The following NOVA2 variants were observed in gnomAD, a reference collection of about 807,000 sequenced individuals.
NOVA2 encodes the protein RNA-binding protein Nova-2.
Under a neutral mutation model 22.5 loss-of-function variants are expected in NOVA2, and 9 were observed. That is an observed-to-expected ratio of 0.40 (90% confidence interval 0.24 to 0.70). The LOEUF is 0.70. Ranked by LOEUF, NOVA2 falls within the 30% of genes least tolerant of loss-of-function variation. The probability of loss-of-function intolerance (pLI) is 0.38; values close to 1 mark genes in which losing one functional copy is unlikely to be tolerated. For missense variants in NOVA2, 383 were observed against 682.8 expected, an observed-to-expected ratio of 0.56 and a Z score of 4.89; for synonymous variants, 318 against 335.2, an observed-to-expected ratio of 0.95 and a Z score of 0.56.
chr19:45,965,899 C>T (rs1270905899), intron 1 of NOVA2, among the ~76,000 whole-genome samples: 4 of 152,168 alleles, frequency 2.6e-5, no homozygotes, highest in East Asian at 1.9e-4. Context: ...AAAGGTACTT[C>T]GGATGGTCCC....
rs780874891 is a variant in NOVA2 at position 45,940,709 on chromosome 19, G to A, written c.633C>T (p.Asn211=). The A allele has an allele frequency of 5.0e-6, 8 of 1,607,744 alleles. No individual in the cohort carries two copies. The Admixed American group carries it at 1.3e-4, about 27-fold the overall frequency. ...QEDPQSSSCL[N]ISYANVAGPV... The stretch of plus-strand genomic sequence containing the variant: ...GGCCTGCCACGTTGGCGTAGCTGAT[G>A]TTGAGGCAGCTGCTGCTCTGGGGGT... The change falls in exon 4 of 4, where the codon AAC becomes AAT. Residue 211 remains asparagine, a synonymous_variant. Coordinates refer to ENST00000263257, the MANE Select transcript of NOVA2 (RefSeq NM_002516.4).
Position 45,954,012 on chromosome 19 carries a change from G to A in NOVA2, c.230-66C>T, listed in dbSNP as rs1312959511. The A allele has an allele frequency of 5.1e-6, 8 of 1,553,512 alleles. No homozygotes were observed. In the Admixed American group the frequency reaches 1.2e-4, roughly 23 times the overall value. On this transcript the variant is annotated intron_variant, in intron 2 of 3. Coordinates refer to ENST00000263257, the MANE Select transcript of NOVA2 (RefSeq NM_002516.4). The stretch of plus-strand genomic sequence containing the variant: ...GAATGGGAACATTCCTGAGAGACAG[G>A]CCCCATTTAATGGAAGAGGCAAGCT...
chr19:45,966,359 A>G (rs1404700761), intron 1 of NOVA2, among the ~76,000 whole-genome samples: 1 of 151,926 alleles, frequency 6.6e-6, no homozygotes, highest in African/African-American at 2.4e-5. Context: ...GGTGCTGGGG[A>G]TGCAGCAGGG....
chr19:45,961,845 G>A (rs1188061229), intron 1 of NOVA2, among the ~76,000 whole-genome samples: 1 of 152,174 alleles, frequency 6.6e-6, no homozygotes, highest in Non-Finnish European at 1.5e-5. Context: ...GGAACCACAT[G>A]GCTATGTGAA....
intron 3 of NOVA2, among the ~76,000 whole-genome samples, chr19:45,942,603 G>A (rs1967776770): frequency 6.6e-6 from 1 of 152,106 alleles, no homozygotes. Flanking sequence ...TGTCTTGGAT[G>A]TCACACAATG....
rs762249374 is a variant in NOVA2, at chr19:45,940,181, C to A, written c.1161G>T (p.Ala387=). The A allele has an allele frequency of 6.3e-7, 1 of 1,587,682 alleles. No homozygotes were observed. The highest frequency in any genetic ancestry group is 8.5e-7 in the Non-Finnish European group (1 of 1,172,924). The change falls in exon 4 of 4, where the codon GCG becomes GCT. Residue 387 remains alanine, a synonymous_variant. Transcript: ENST00000263257. ...GGGPLVAAAA[A]AGAAGGFLTA... is the part of the protein sequence containing the mutation. ...TCAGGAAGCCCCCGGCCGCCCCGGCCGCGGCTGCAGCGGCCACCAGCGGGC... is the reference window on the plus strand; with the variant it reads ...TCAGGAAGCCCCCGGCCGCCCCGGCAGCGGCTGCAGCGGCCACCAGCGGGC...
intron 2 of NOVA2, among the ~76,000 whole-genome samples, chr19:45,954,223 C>T (rs1967969300): frequency 6.6e-6 from 1 of 152,216 alleles, no homozygotes; most frequent in African/African-American, 2.4e-5. Flanking sequence ...GCGATGCCCA[C>T]AGCAGCCCTG....
At position 45,973,249 on chromosome 19, in the gene NOVA2, G is replaced by T; in HGVS notation, c.85+18C>A. 1 of 1,441,046 alleles carries T rather than the reference G, an allele frequency of 6.9e-7. No homozygotes were observed. Among genetic ancestry groups the T allele is most frequent in the Non-Finnish European group, 9.2e-7 (1 of 1,089,194 alleles). The allele number at this position is 1,441,046 out of a possible 1,614,324, so 89.3% of individuals were successfully genotyped here. A position where few individuals can be genotyped will look rare whatever the true frequency, so the allele number is the denominator to read the frequency against. On this transcript the variant is annotated intron_variant, in intron 1 of 3. Transcript: ENST00000263257. ...CCCCCTGCCCGCTCCCCCGCCCCGAGCCGCAGCCCTTTCTCACCTCCCGTG... is the reference window on the plus strand; with the variant it reads ...CCCCCTGCCCGCTCCCCCGCCCCGATCCGCAGCCCTTTCTCACCTCCCGTG...
At chr19:45,949,739 G>GTT (rs558656536) in intron 3 of NOVA2, among the ~76,000 whole-genome samples, 18 of 119,634 alleles carry the variant, frequency 1.5e-4, no homozygotes, top group Admixed American at 3.4e-4. Flanking sequence ...ATCGTAGGTT[G>GTT]TTTTTTTTTT....
intron 1 of NOVA2, among the ~76,000 whole-genome samples, chr19:45,969,509 G>GAAAAAAAAAAAAA (rs397946088): frequency 2.5e-5 from 1 of 40,546 alleles, no homozygotes; most frequent in Non-Finnish European, 3.8e-5. Flanking sequence ...CCCTGTCTCA[G>GAAAAAAAAAAAAA]AAAAAAAAAA....
intron 1 of NOVA2, among the ~76,000 whole-genome samples, chr19:45,961,408 AAG>A (rs1253253644): frequency 6.6e-6 from 1 of 152,190 alleles, no homozygotes; most frequent in Non-Finnish European, 1.5e-5. Context: ...ATAAGGCCGA[AAG>A]AGTTTTAGTG....
chr19:45,967,082 TG>T (rs1968177060), intron 1 of NOVA2, among the ~76,000 whole-genome samples: 1 of 152,124 alleles, frequency 6.6e-6, no homozygotes, highest in Non-Finnish European at 1.5e-5. Flanking sequence ...ATCTGACGCC[TG>T]GAGCCCCCTC....
At position 45,973,296 on chromosome 19, in the gene NOVA2, A is replaced by C. The variant is rs1400338387; in HGVS notation, c.56T>G (p.Val19Gly). ...RKRPLETPPE[V>G]VCTKRSNTGE... ...CGTGTTGCTGCGCTTGGTGCAGACC[A>C]CCTCGGGGGGCGTTTCGAGGGGCCT... The change falls in exon 1 of 4, where the codon GTG becomes GGG. Residue 19 changes from valine to glycine, a missense_variant. Transcript: ENST00000263257. 6.7e-6 allele frequency: 9 copies of C among 1,342,018 alleles called. No homozygotes were observed. The highest frequency in any genetic ancestry group is 6.4e-5 in the East Asian group (2 of 31,352). The allele number at this position is 1,342,018 out of a possible 1,614,324, so 83.1% of individuals were successfully genotyped here. A position where few individuals can be genotyped will look rare whatever the true frequency, so the allele number is the denominator to read the frequency against.
chr19:45,957,792 C>T (rs533711551), intron 2 of NOVA2, among the ~76,000 whole-genome samples: 2 of 151,872 alleles, frequency 1.3e-5, no homozygotes, highest in South Asian at 4.2e-4. Flanking sequence ...AGCAGATGTT[C>T]AACATCAGAC....
Position 45,940,425 on chromosome 19 carries a change from G to A in NOVA2, c.917C>T (p.Ser306Phe). ...GGCGGCCACGGCGGCCAGGACGCCG[G>A]AAGCTGCGGCCGAGTTGAGGCCCAG... ...LGLGLNSAAA[S>F]GVLAAVAAGA... is the part of the protein sequence containing the mutation. Residue 306 changes from serine (S) to phenylalanine (F), a missense_variant, in exon 4 of 4, where the codon TCC becomes TTC. By Grantham distance (155) the Ser-to-Phe change is radical (BLOSUM62 -2). This residue lies in a region of NOVA2 where 349 missense variants were observed against 578.1 expected (regional missense o/e 0.60). Transcript: ENST00000263257. 6.7e-7 allele frequency: 1 copy of A among 1,493,322 alleles called. No homozygotes were observed. Among genetic ancestry groups the A allele is most frequent in the Non-Finnish European group, 8.9e-7 (1 of 1,119,606 alleles). 92.5% of individuals were successfully genotyped at this position (1,493,322 alleles called of 1,614,324 possible).
chr19:45,969,602 T>C (rs1408724621), intron 1 of NOVA2, among the ~76,000 whole-genome samples: 2 of 150,358 alleles, frequency 1.3e-5, no homozygotes, highest in African/African-American at 4.9e-5. Context: ...TATGTATGTA[T>C]GTCTGTATAT....
intron 1 of NOVA2, among the ~76,000 whole-genome samples, chr19:45,965,525 T>G (rs1355973071): frequency 6.6e-6 from 1 of 152,152 alleles, no homozygotes; most frequent in Admixed American, 6.6e-5. Context: ...GGTCATGAGT[T>G]CGAGACCAGC....
At chr19:45,951,058 C>T (rs767320595) in intron 3 of NOVA2, among the ~76,000 whole-genome samples, 2 of 152,248 alleles carry the variant, frequency 1.3e-5, no homozygotes, top group South Asian at 2.1e-4. Context: ...TTTAAGCTAC[C>T]CAGATGACTC....
chr19:45,951,095 T>G (rs529427871), intron 3 of NOVA2, among the ~76,000 whole-genome samples: 1 of 152,342 alleles, frequency 6.6e-6, no homozygotes, highest in South Asian at 2.1e-4. Flanking sequence ...TGAGAGCCAC[T>G]GGTATAACCC....
Sources: allele counts gnomAD v4.1 joint callset (sites outside exome capture counted in the v4.1 genomes callset), GRCh38; gene constraint gnomAD v4.1.1; regional missense constraint gnomAD v4.1.1; transcripts MANE v1.5; gene names NCBI Gene and HGNC (gene_info 2026-07-23, HGNC 2026-07-21).